The following SLC24A2 variants were observed in gnomAD, a reference collection of about 807,000 sequenced individuals.
The protein encoded by SLC24A2 is sodium/potassium/calcium exchanger 2.
In SLC24A2, 36 loss-of-function variants were observed where a neutral mutation model predicts 62.0. The ratio of observed to expected loss-of-function variants is 0.58; its 90% CI spans 0.44 to 0.77. The LOEUF (loss-of-function observed/expected upper bound fraction) is 0.77. Among genes scored for constraint, SLC24A2 ranks in the 30% least tolerant of loss-of-function variants. The probability of loss-of-function intolerance (pLI) is 0.00; values close to 1 mark genes in which losing one functional copy is unlikely to be tolerated. For missense variants in SLC24A2, 846 were observed against 817.9 expected, an observed-to-expected ratio of 1.03 and a Z score of -0.42; for synonymous variants, 358 against 294.0, an observed-to-expected ratio of 1.22 and a Z score of -2.23.
chr9:20,224,541 T>C, the SLC24A2 span, among the ~76,000 whole-genome samples: 9 of 152,124 alleles, frequency 5.9e-5, no homozygotes, highest in African/African-American at 1.7e-4. Context: ...CATTTGGTTA[T>C]ATCTGCTATT....
At chr9:20,035,028 A>AAT in the SLC24A2 span, among the ~76,000 whole-genome samples, 3 of 152,054 alleles carry the variant, frequency 2.0e-5, no homozygotes, top group South Asian at 2.1e-4. Flanking sequence ...TTAAATGAAA[A>AAT]ATATATATAT....
the SLC24A2 span, among the ~76,000 whole-genome samples, chr9:20,175,632 T>A: frequency 6.6e-6 from 1 of 152,062 alleles, no homozygotes; most frequent in South Asian, 2.1e-4. Context: ...GTGGCTTGAA[T>A]ACAAAGAATC....
At chr9:19,953,461 C>T in the SLC24A2 span, among the ~76,000 whole-genome samples, 2 of 151,902 alleles carry the variant, frequency 1.3e-5, no homozygotes, top group African/African-American at 2.4e-5. Flanking sequence ...TCAAACGTTT[C>T]CATAAAGTTA....
At chr9:19,650,091 C>T (rs1818755926) in intron 2 of SLC24A2, among the ~76,000 whole-genome samples, 1 of 152,104 alleles carries the variant, frequency 6.6e-6, no homozygotes, top group Admixed American at 6.6e-5. Flanking sequence ...GGGGTTTTAC[C>T]TCGTAGGCTA....
intron 8 of SLC24A2, among the ~76,000 whole-genome samples, chr9:19,533,185 T>C (rs558580888): frequency 1.3e-5 from 2 of 152,322 alleles, no homozygotes; most frequent in African/African-American, 4.8e-5. Context: ...CATGTTTTCC[T>C]TGTAATTACT....
At chr9:19,955,039 T>C in the SLC24A2 span, among the ~76,000 whole-genome samples, 5 of 152,308 alleles carry the variant, frequency 3.3e-5, no homozygotes, top group South Asian at 1.0e-3. Context: ...AATTATTTTA[T>C]TTCTCTACAT....
chr9:19,514,432 T>A lies in SLC24A2; in HGVS notation c.*1721A>T, dbSNP rs1457581671. ...AATGAACCATCCTTGATTCAATTTT[T>A]CAACTGATTTTAAGGAAAGCATGAC... On this transcript the variant is annotated 3_prime_UTR_variant, in exon 11 of 11. Transcript: ENST00000341998. 1.3e-5 allele frequency: 2 copies of A among 152,214 alleles called. No individual in the cohort carries two copies. The highest frequency in any genetic ancestry group is 4.8e-5 in the African/African-American group (2 of 41,464). The allele number at this position is 152,214 out of a possible 1,614,324, so 9.4% of individuals were successfully genotyped here.
chr9:19,932,751 G>C, the SLC24A2 span, among the ~76,000 whole-genome samples: 1 of 152,100 alleles, frequency 6.6e-6, no homozygotes, highest in Non-Finnish European at 1.5e-5. Context: ...CCCTCTCTTT[G>C]AAAAAATATA....
chr9:20,150,592 T>C, the SLC24A2 span, among the ~76,000 whole-genome samples: 1 of 137,200 alleles, frequency 7.3e-6, no homozygotes. Flanking sequence ...ACAAACTCTA[T>C]TTCTAGGAAT....
At chr9:20,285,363 G>C in the SLC24A2 span, among the ~76,000 whole-genome samples, 2 of 152,244 alleles carry the variant, frequency 1.3e-5, no homozygotes, top group African/African-American at 4.8e-5. Context: ...TTGATATGCA[G>C]AGTGAATCGG....
intron 2 of SLC24A2, among the ~76,000 whole-genome samples, chr9:19,717,458 T>G (rs1820891485): frequency 6.6e-6 from 1 of 152,216 alleles, no homozygotes; most frequent in African/African-American, 2.4e-5. Context: ...GATGAATTTC[T>G]AATTTTTAAA....
At chr9:19,737,968 T>C (rs1821559061) in intron 2 of SLC24A2, among the ~76,000 whole-genome samples, 1 of 152,190 alleles carries the variant, frequency 6.6e-6, no homozygotes, top group South Asian at 2.1e-4. Flanking sequence ...AATTGTTTCA[T>C]ACTGCAAAAT....
In SLC24A2 at chr9:19,516,410, G is replaced by A. The variant is rs1011571979; in HGVS notation, c.1737-8C>T. 1.9e-6 allele frequency: 3 copies of A among 1,613,394 alleles called. No homozygotes were observed. Among genetic ancestry groups the A allele is most frequent in the Admixed American group, 3.3e-5 (2 of 59,990 alleles). On this transcript the variant is annotated splice_polypyrimidine_tract_variant and splice_region_variant and intron_variant, in intron 10 of 10. Transcript: ENST00000341998. ...AGCCAGGGCAGTGGGAGCCTGTGCA[G>A]AAGTGAAGCAGGGCAGAGGGGAGTG...
rs1365282836 is a variant in SLC24A2, at chr9:19,528,154, G to C, written c.1480-16C>G. On this transcript the variant is annotated splice_polypyrimidine_tract_variant and intron_variant, in intron 8 of 10. Transcript: ENST00000341998. Reference sequence around the variant, plus strand: ...TCCTCGATGACTGAAAGACAACCAGGAAGAGTTGAGAATATCAGTGTTATC... The same window carrying C: ...TCCTCGATGACTGAAAGACAACCAGCAAGAGTTGAGAATATCAGTGTTATC... 6.7e-7 allele frequency: 1 copy of C among 1,500,400 alleles called. No individual in the cohort carries two copies. The highest frequency in any genetic ancestry group is 1.9e-5 in the Admixed American group (1 of 52,680). 92.9% of individuals were successfully genotyped at this position (1,500,400 alleles called of 1,614,324 possible). A position where few individuals can be genotyped will look rare whatever the true frequency, so the allele number is the denominator to read the frequency against.
intron 2 of SLC24A2, among the ~76,000 whole-genome samples, chr9:19,708,521 G>A (rs1820606704): frequency 6.6e-6 from 1 of 152,222 alleles, no homozygotes; most frequent in Non-Finnish European, 1.5e-5. Context: ...CAAGGCTACA[G>A]TAACCAAAAC....
chr9:20,176,635 G>A, the SLC24A2 span, among the ~76,000 whole-genome samples: 1 of 152,086 alleles, frequency 6.6e-6, no homozygotes, highest in Non-Finnish European at 1.5e-5. Flanking sequence ...AGATGCATAA[G>A]TTTTATTTCC....
the SLC24A2 span, among the ~76,000 whole-genome samples, chr9:20,299,301 G>C: frequency 6.6e-6 from 1 of 152,328 alleles, no homozygotes; most frequent in South Asian, 2.1e-4. Flanking sequence ...AACATAGCAT[G>C]TGGGAAAGGA....
the SLC24A2 span, among the ~76,000 whole-genome samples, chr9:19,799,183 T>C: frequency 9.8e-5 from 15 of 152,298 alleles, no homozygotes; most frequent in African/African-American, 3.4e-4. Context: ...CATGCTTTTT[T>C]CCCCTACTAT....
intron 2 of SLC24A2, among the ~76,000 whole-genome samples, chr9:19,636,334 T>TTCTTTTC (rs1564009853): frequency 8.5e-4 from 22 of 25,942 alleles, no homozygotes; most frequent in Non-Finnish European, 1.3e-3. Context: ...TTTCTTTCTT[T>TTCTTTTC]CTTTCTTTCT....
Sources: gnomAD v4.1 joint callset for allele counts (sites outside exome capture counted in the v4.1 genomes callset) on GRCh38, gnomAD v4.1.1 for gene constraint, MANE v1.5 for transcripts, NCBI Gene and HGNC (gene_info 2026-07-23, HGNC 2026-07-21) for gene names.